Variants in TGM2 observed in about 807,000 individuals in gnomAD.
TGM2 encodes the protein transglutaminase 2, also known as protein-glutamine gamma-glutamyltransferase 2.
TGM2 carries 53 observed loss-of-function variants against 75.6 expected under a neutral mutation model. The observed-to-expected ratio is 0.70, with a 90% CI of 0.56 to 0.88. The LOEUF (loss-of-function observed/expected upper bound fraction) is 0.88. Among genes scored for constraint, TGM2 ranks in the 40% least tolerant of loss-of-function variants. The pLI, the probability that TGM2 is intolerant of heterozygous loss-of-function variation, is 0.00. For synonymous variants in TGM2, 374 were observed against 381.1 expected (o/e 0.98, Z 0.22); for missense variants, 842 against 928.5 (o/e 0.91, Z 1.21).
chr20:38,143,597 C>T (rs1027327609), intron 6 of TGM2, among the ~76,000 whole-genome samples: 20 of 152,138 alleles, frequency 1.3e-4, no homozygotes, highest in Non-Finnish European at 2.4e-4. Context: ...AGGAAAATCC[C>T]GGTGTGGATC....
At chr20:38,149,678 C>CAAAAAAAAAAAAAACAA (rs61634616) in intron 4 of TGM2, among the ~76,000 whole-genome samples, 2 of 40,464 alleles carry the variant, frequency 4.9e-5, no homozygotes, top group African/African-American at 1.9e-4. Context: ...GACTCCGCCT[C>CAAAAAAAAAAAAAACAA]AAAAAAAAAA....
At position 38,130,057 on chromosome 20, in the gene TGM2, G is replaced by A. The variant is rs958202816; in HGVS notation, c.*162C>T. The A allele has an allele frequency of 4.5e-5, 40 of 888,266 alleles. No homozygotes were observed. Among genetic ancestry groups the A allele is most frequent in the African/African-American group, 1.7e-5 (1 of 60,184 alleles). The allele number at this position is 888,266 out of a possible 1,614,324, so 55.0% of individuals were successfully genotyped here. ...GAGTGGGGACCCACAGGCTCAGGAG[G>A]CTGAGATGGGCCAGGGGCACATTCC... On this transcript the variant is annotated 3_prime_UTR_variant, in exon 13 of 13. Transcript: ENST00000361475.
At chr20:38,131,038 C>T in intron 12 of TGM2, 55 bp downstream of exon 12, 1 of 1,605,772 alleles carries the variant, frequency 6.2e-7, no homozygotes, top group African/African-American at 1.3e-5. Flanking sequence ...TCTCTACCCC[C>T]ACCGGCATCT....
chr20:38,139,405 C>T lies in TGM2; in HGVS notation c.1342+7G>A. The T allele has an allele frequency of 6.2e-7, 1 of 1,614,122 alleles. No individual in the cohort carries two copies. On this transcript the variant is annotated splice_region_variant and intron_variant, in intron 9 of 12. Coordinates refer to ENST00000361475, the MANE Select transcript of TGM2 (RefSeq NM_004613.4). ...AAGGCTGCATTAAAGACTCTGAGGG[C>T]ACATACCCTCTGGGTATTTGTAGGT...
At chr20:38,155,786 C>G (rs2122952009) in intron 3 of TGM2, 61 bp downstream of exon 3, 1 of 1,547,304 alleles carries the variant, frequency 6.5e-7, no homozygotes, top group Non-Finnish European at 8.7e-7. Context: ...CAGTAGCCTC[C>G]TCCATGGGCG....
chr20:38,158,585 A>G (rs2284882), intron 2 of TGM2, among the ~76,000 whole-genome samples: 48,615 of 151,760 alleles, frequency 0.32, 8,249 homozygotes, highest in African/African-American at 0.42. Flanking sequence ...ACCCCCTCAA[A>G]CCCCGACCCC....
chr20:38,155,143 A>C (rs1176420859), intron 3 of TGM2, among the ~76,000 whole-genome samples: 2 of 151,714 alleles, frequency 1.3e-5, no homozygotes, highest in East Asian at 3.9e-4. Flanking sequence ...ACACACAAAA[A>C]ACAGGGCCCC....
At chr20:38,142,038 C>T (rs201629441) in intron 7 of TGM2, 26 bp downstream of exon 7, 92 of 1,613,962 alleles carry the variant, frequency 5.7e-5, no homozygotes, top group Non-Finnish European at 7.3e-5. Flanking sequence ...TACTGGGCTC[C>T]GATCCCACCC....
chr20:38,149,731 G>A (rs1489508360), intron 4 of TGM2, among the ~76,000 whole-genome samples: 1 of 142,762 alleles, frequency 7.0e-6, no homozygotes, highest in Non-Finnish European at 1.5e-5. Flanking sequence ...GGAAGAACTT[G>A]ACTTTGTTCT....
At position 38,156,039 on chromosome 20, in the gene TGM2, C is replaced by G. The variant is rs778193960; in HGVS notation, c.241G>C (p.Asp81His). 2 of 1,613,930 alleles carry G rather than the reference C, an allele frequency of 1.2e-6. No individual in the cohort carries two copies. The highest frequency in any genetic ancestry group is 1.7e-5 in the Admixed American group (1 of 60,030). ...GTCCAGTCACCCTCCTCCACAGCAT[C>G]TCTTAGTGGAAAACGGGCCTTGGTC... ...AGTKARFPLR[D>H]AVEEGDWTAT... Residue 81 changes from aspartate (D) to histidine (H), a missense_variant, in exon 3 of 13, where the codon GAT becomes CAT. Transcript: ENST00000361475.
intron 6 of TGM2, 21 bp downstream of exon 6, chr20:38,146,696 A>T (rs1171599670): frequency 6.2e-7 from 1 of 1,612,866 alleles, no homozygotes; most frequent in African/African-American, 1.3e-5. Context: ...CTCATGACCC[A>T]CATCCCAGCG....
At chr20:38,166,540 C>G (rs1343338667), upstream of TGM2, 1 of 152,258 alleles carries the variant, frequency 6.6e-6, no homozygotes, top group African/African-American at 2.4e-5. Flanking sequence ...CCCGGAGAGA[C>G]AGAGGCCCAC....
chr20:38,162,269 T>G (rs2075263475), intron 1 of TGM2, among the ~76,000 whole-genome samples: 1 of 152,248 alleles, frequency 6.6e-6, no homozygotes, highest in Admixed American at 6.5e-5. Flanking sequence ...ATGTCTGTTG[T>G]GTAATAAATA....
chr20:38,141,574 A>G (rs919781757), intron 7 of TGM2, among the ~76,000 whole-genome samples, 189 bp from the exon 8 acceptor site: 7 of 151,646 alleles, frequency 4.6e-5, no homozygotes, highest in African/African-American at 1.7e-4. Flanking sequence ...TCTCTAGCCA[A>G]GGCGCCCACT....
intron 3 of TGM2, among the ~76,000 whole-genome samples, chr20:38,153,534 A>AAAAAAAAAAAAAGAAAAG (rs2075142919): frequency 2.8e-5 from 4 of 143,918 alleles, no homozygotes; most frequent in African/African-American, 1.0e-4. Context: ...CAAAAAAAAG[A>AAAAAAAAAAAAAGAAAAG]AAAAAAAAAA....
At chr20:38,157,497 A>G (rs773365319) in intron 2 of TGM2, among the ~76,000 whole-genome samples, 1 of 152,158 alleles carries the variant, frequency 6.6e-6, no homozygotes, top group Non-Finnish European at 1.5e-5. Flanking sequence ...TTTCTTATCC[A>G]AGAAGAAAAC....
Position 38,138,250 on chromosome 20 carries a change from GC to G in TGM2, c.1477del (p.Ala493ProfsTer137). 1 of 1,613,712 alleles carries G rather than the reference GC, an allele frequency of 6.2e-7. No individual in the cohort carries two copies. On this transcript the variant is annotated frameshift_variant, in exon 10 of 13. Transcript: ENST00000361475. LOFTEE classifies it high-confidence loss of function. The part of the protein sequence containing the change: ...MNMGSDFDVF[A>X]HITNNTAEEY... ...CTCAGCGGTGTTGTTGGTGATGTGG[GC>G]AAAGACGTCAAAGTCACTGCCCATG...
intron 3 of TGM2, among the ~76,000 whole-genome samples, chr20:38,154,520 C>T (rs1486017888): frequency 6.6e-6 from 1 of 152,192 alleles, no homozygotes; most frequent in African/African-American, 2.4e-5. Flanking sequence ...AGTCAGTTTC[C>T]TTTGTTCCAA....
intron 4 of TGM2, among the ~76,000 whole-genome samples, chr20:38,148,312 G>A (rs2075071859): frequency 6.6e-6 from 1 of 152,198 alleles, no homozygotes; most frequent in Non-Finnish European, 1.5e-5. Context: ...GACGAAGAGG[G>A]TAACAATTTT....
Sources: gnomAD v4.1 joint callset for allele counts (sites outside exome capture counted in the v4.1 genomes callset) on GRCh38, gnomAD v4.1.1 for gene constraint, MANE v1.5 for transcripts, NCBI Gene and HGNC (gene_info 2026-07-23, HGNC 2026-07-21) for gene names.